TNFRSF11A: variants seen among roughly 807,000 people sequenced by gnomAD.
TNFRSF11A encodes TNF receptor superfamily member 11a, also known as tumor necrosis factor receptor superfamily member 11A.
In TNFRSF11A, 32 loss-of-function variants were observed where a neutral mutation model predicts 55.7. The observed-to-expected ratio is 0.57, with a 90% CI of 0.43 to 0.77. The LOEUF is 0.77. TNFRSF11A is among the 30% of genes least tolerant of loss of function. TNFRSF11A has a pLI of 0.00. For missense variants in TNFRSF11A, 753 were observed against 809.8 expected, an observed-to-expected ratio of 0.93 and a Z score of 0.85; for synonymous variants, 311 against 331.0, an observed-to-expected ratio of 0.94 and a Z score of 0.65.
chr18:62,331,324 T>C (rs1471830755), intron 1 of TNFRSF11A, among the ~76,000 whole-genome samples: 6 of 152,226 alleles, frequency 3.9e-5, no homozygotes, highest in Non-Finnish European at 7.3e-5. Context: ...ATTGCTGTCT[T>C]AGTCCAAATC....
At chr18:62,355,924 A>G (rs949097592) in intron 4 of TNFRSF11A, among the ~76,000 whole-genome samples, 12 of 152,202 alleles carry the variant, frequency 7.9e-5, no homozygotes, top group Non-Finnish European at 1.6e-4. Context: ...TGTGTCCCTC[A>G]ATTTCTTTCA....
chr18:62,336,444 G>A (rs184950076), intron 1 of TNFRSF11A: 2 of 152,246 alleles, frequency 1.3e-5, no homozygotes, highest in Admixed American at 6.5e-5. Context: ...TGAGCAGTTC[G>A]TGCAGCCCCA....
At chr18:62,352,072 A>G (rs1030903176) in intron 3 of TNFRSF11A, among the ~76,000 whole-genome samples, 11 of 152,240 alleles carry the variant, frequency 7.2e-5, no homozygotes, top group African/African-American at 2.7e-4. Flanking sequence ...CTGGGATTAC[A>G]GCATGAGCCA....
chr18:62,358,177 A>G, intron 4 of TNFRSF11A, 71 bp from the exon 5 acceptor site: 2 of 1,462,242 alleles, frequency 1.4e-6, no homozygotes, highest in Non-Finnish European at 1.9e-6. Flanking sequence ...CCCAGCCTGG[A>G]TGATCTCTAA....
Position 62,349,801 on chromosome 18 carries a change from A to AT in TNFRSF11A, c.158-4dup, listed in dbSNP as rs773802158. On this transcript the variant is annotated splice_polypyrimidine_tract_variant and intron_variant, in intron 2 of 9. Coordinates refer to ENST00000586569, the MANE Select transcript of TNFRSF11A (RefSeq NM_003839.4). Reference sequence around the variant, plus strand: ...TTTGATGGTTGCATTTTTCTCCCTCATTTTTTTAAGGAAAGTACATGTCTT... The same window carrying AT: ...TTTGATGGTTGCATTTTTCTCCCTCATTTTTTTTAAGGAAAGTACATGTCTT... 15 of 1,613,344 alleles carry AT rather than the reference A, an allele frequency of 9.3e-6. No homozygotes were observed. The highest frequency in any genetic ancestry group is 1.3e-5 in the Non-Finnish European group (15 of 1,179,718).
intron 9 of TNFRSF11A, among the ~76,000 whole-genome samples, chr18:62,371,961 T>G (rs1160715227): frequency 6.7e-6 from 1 of 149,666 alleles, no homozygotes; most frequent in African/African-American, 2.5e-5. Context: ...AGAGGATTTT[T>G]TGTTTGTTTT....
At chr18:62,366,313 A>G (rs1862458337) in intron 7 of TNFRSF11A, among the ~76,000 whole-genome samples, 1 of 152,244 alleles carries the variant, frequency 6.6e-6, no homozygotes, top group Non-Finnish European at 1.5e-5. Flanking sequence ...AGTCAAATAT[A>G]CAGAGATATA....
rs1911978129 is a variant in TNFRSF11A, at chr18:62,391,183, T to C, written c.*6149T>C. The C allele has an allele frequency of 6.6e-6, 1 of 152,142 alleles. No homozygotes were observed. Among genetic ancestry groups the C allele is most frequent in the African/African-American group, 2.4e-5 (1 of 41,400 alleles). The allele number at this position is 152,142 out of a possible 1,614,324, so 9.4% of individuals were successfully genotyped here. A position where few individuals can be genotyped will look rare whatever the true frequency, so the allele number is the denominator to read the frequency against. On this transcript the variant is annotated 3_prime_UTR_variant, in exon 10 of 10. Coordinates refer to ENST00000586569, the MANE Select transcript of TNFRSF11A (RefSeq NM_003839.4). Reference sequence around the variant, plus strand: ...ATCGGTGGGTACACCAGTAGTTCCATTTTTTTTCTGAGTAGTAGTCCATTG... The same window carrying C: ...ATCGGTGGGTACACCAGTAGTTCCACTTTTTTTCTGAGTAGTAGTCCATTG...
intron 1 of TNFRSF11A, among the ~76,000 whole-genome samples, chr18:62,342,515 C>T (rs1344281994): frequency 6.6e-6 from 1 of 151,214 alleles, no homozygotes; most frequent in Non-Finnish European, 1.5e-5. Flanking sequence ...TCACGTGATT[C>T]CTGCATCATT....
At chr18:62,350,379 G>T (rs1316494780) in intron 3 of TNFRSF11A, among the ~76,000 whole-genome samples, 1 of 151,962 alleles carries the variant, frequency 6.6e-6, no homozygotes, top group African/African-American at 2.4e-5. Flanking sequence ...TGCAAGCTCT[G>T]CCTCCCAGGT....
chr18:62,379,279 A>G (rs1911104484), intron 9 of TNFRSF11A, among the ~76,000 whole-genome samples: 1 of 152,188 alleles, frequency 6.6e-6, no homozygotes, highest in Non-Finnish European at 1.5e-5. Flanking sequence ...CCGCCCAGGA[A>G]GCTGACTGAA....
At chr18:62,372,339 C>T (rs1312953403) in intron 9 of TNFRSF11A, among the ~76,000 whole-genome samples, 1 of 152,072 alleles carries the variant, frequency 6.6e-6, no homozygotes, top group African/African-American at 2.4e-5. Flanking sequence ...CTCACTGTGC[C>T]CCTAGAGAGT....
At chr18:62,332,411 G>A (rs1244368134) in intron 1 of TNFRSF11A, among the ~76,000 whole-genome samples, 1 of 152,222 alleles carries the variant, frequency 6.6e-6, no homozygotes, top group Admixed American at 6.5e-5. Flanking sequence ...TATACAAGCA[G>A]GATCACATCT....
intron 9 of TNFRSF11A, among the ~76,000 whole-genome samples, chr18:62,376,522 T>G (rs541399211): frequency 1.1e-4 from 17 of 152,114 alleles, no homozygotes; most frequent in Non-Finnish European, 8.8e-5. Flanking sequence ...GTACAGAGAT[T>G]TCCTATATAC....
At chr18:62,335,038 G>T (rs1169958937) in intron 1 of TNFRSF11A, among the ~76,000 whole-genome samples, 3 of 152,024 alleles carry the variant, frequency 2.0e-5, no homozygotes, top group African/African-American at 7.2e-5. Context: ...AGGTTTAAAA[G>T]TGGAAAATTG....
intron 4 of TNFRSF11A, among the ~76,000 whole-genome samples, chr18:62,355,287 T>C (rs1909174213): frequency 1.3e-5 from 2 of 152,156 alleles, no homozygotes. Context: ...TTTATTTATT[T>C]TTTTTTTGAG....
At chr18:62,363,365 CTTT>C (rs386387923) in intron 7 of TNFRSF11A, among the ~76,000 whole-genome samples, 1,740 of 106,714 alleles carry the variant, frequency 0.016, 24 homozygotes, top group African/African-American at 0.058. Context: ...AGTGATGACC[CTTT>C]TTTTTTTTTT....
intron 8 of TNFRSF11A, among the ~76,000 whole-genome samples, chr18:62,368,466 A>G (rs1291592963): frequency 1.3e-5 from 2 of 152,190 alleles, no homozygotes; most frequent in East Asian, 3.8e-4. Context: ...CTCAGATGTG[A>G]ACATGCTTTT....
intron 2 of TNFRSF11A, among the ~76,000 whole-genome samples, chr18:62,349,094 C>A (rs182427390): frequency 6.6e-6 from 1 of 151,834 alleles, no homozygotes; most frequent in African/African-American, 2.4e-5. Context: ...TTGCCTACCC[C>A]TCTTATTCCC....
Sources: gnomAD v4.1 joint callset for allele counts (sites outside exome capture counted in the v4.1 genomes callset) on GRCh38, gnomAD v4.1.1 for gene constraint, MANE v1.5 for transcripts, NCBI Gene and HGNC (gene_info 2026-07-23, HGNC 2026-07-21) for gene names.